NPIPB15: variants seen among roughly 807,000 people sequenced by gnomAD.
The protein encoded by NPIPB15 is nuclear pore complex interacting protein family member B15.
In NPIPB15, 5 loss-of-function variants were observed where a neutral mutation model predicts 35.9. That is an observed-to-expected ratio of 0.14 (90% CI 0.07 to 0.29). NPIPB15 has a LOEUF of 0.29. NPIPB15 is among the 10% of genes least tolerant of loss of function. The pLI, the probability that NPIPB15 is intolerant of heterozygous loss-of-function variation, is 1.00. For missense variants in NPIPB15, 100 were observed against 506.1 expected, an observed-to-expected ratio of 0.20 and a Z score of 7.70; for synonymous variants, 43 against 182.0, an observed-to-expected ratio of 0.24 and a Z score of 6.15.
chr16:74,388,367 T>A lies in NPIPB15; in HGVS notation c.546-1458T>A, dbSNP rs1243442904. On this transcript the variant is annotated intron_variant, in intron 5 of 7. Transcript: ENST00000692376. Reference sequence around the variant, plus strand: ...GGTTTTTCACACTGAACTAAAATGATCTTTCGCTGTGTCAAACACAAGACT... The same window carrying A: ...GGTTTTTCACACTGAACTAAAATGAACTTTCGCTGTGTCAAACACAAGACT... The A allele has an allele frequency of 1.2e-5, 11 of 906,710 alleles. 1 individual carries two copies. The highest frequency in any genetic ancestry group is 2.0e-5 in the African/African-American group (1 of 50,546). The allele number at this position is 906,710 out of a possible 1,614,324, so 56.2% of individuals were successfully genotyped here.
chr16:74,378,774 C>A (rs1444325029), intron 2 of NPIPB15, among the ~76,000 whole-genome samples: 2 of 151,072 alleles, frequency 1.3e-5, no homozygotes, highest in Non-Finnish European at 3.0e-5. Context: ...CATAAACCGA[C>A]CCCCTTTCAA....
At position 74,391,928 on chromosome 16, in the gene NPIPB15, G is replaced by T. The variant is rs780007640; in HGVS notation, c.1180G>T (p.Ala394Ser). The T allele has an allele frequency of 6.8e-7, 1 of 1,476,992 alleles. No individual in the cohort carries two copies. The highest frequency in any genetic ancestry group is 1.2e-5 in the South Asian group (1 of 82,108). The allele number at this position is 1,476,992 out of a possible 1,614,324, so 91.5% of individuals were successfully genotyped here. ...GCCCAAGAGGCAGAGGGAGGCCGAG[G>T]CACAACAATTACCCAAACCCAAGAG... is the stretch of plus-strand genomic sequence containing the variant. ...PKPKRQREAE[A>S]QQLPKPKRRR... Residue 394 changes from alanine (A) to serine (S), a missense_variant, in exon 8 of 8, where the codon GCA becomes TCA. Physicochemically the swap from Ala to Ser is moderately conservative, Grantham distance 99. Transcript: ENST00000692376.
Position 74,388,916 on chromosome 16 carries a change from C to A in NPIPB15, c.546-909C>A. 5 of 924,848 alleles carry A rather than the reference C, an allele frequency of 5.4e-6. 1 individual carries two copies. Among genetic ancestry groups the A allele is most frequent in the South Asian group, 1.0e-4 (2 of 19,834 alleles). 57.3% of individuals were successfully genotyped at this position (924,848 alleles called of 1,614,324 possible). A position where few individuals can be genotyped will look rare whatever the true frequency, so the allele number is the denominator to read the frequency against. On this transcript the variant is annotated intron_variant, in intron 5 of 7. Transcript: ENST00000692376. ...GACCCAGTAAATGCAGAAATAGAAACAAATGGTCAGAAGACCTATCGTGAG... is the reference window on the plus strand; with the variant it reads ...GACCCAGTAAATGCAGAAATAGAAAAAAATGGTCAGAAGACCTATCGTGAG...
chr16:74,386,307 A>AC (rs2012278513), intron 5 of NPIPB15, among the ~76,000 whole-genome samples: 1 of 126,174 alleles, frequency 7.9e-6, no homozygotes, highest in Non-Finnish European at 1.6e-5. Flanking sequence ...TTTTTTTTAA[A>AC]TTTTGAGATA....
chr16:74,376,329 ACT>A lies in NPIPB15; in HGVS notation c.-1037_-1036del, dbSNP rs1353921134. Among the ~76,000 whole-genome samples the A allele has an allele frequency of 6.6e-6, 1 of 151,504 alleles. No homozygotes were observed. The highest frequency in any genetic ancestry group is 1.5e-5 in the Non-Finnish European group (1 of 67,964). The stretch of plus-strand genomic sequence containing the variant: ...CAGAGGCCTGAGTGAGTTTGGGCAC[ACT>A]CTGTGTGATCGGGCAGAAGGCCTGT... On this transcript the variant is annotated 5_prime_UTR_variant, in exon 1 of 8. Transcript: ENST00000692376.
In NPIPB15 at chr16:74,388,885, T is replaced by C. The variant is rs1451822421; in HGVS notation, c.546-940T>C. 1.7e-5 allele frequency: 16 copies of C among 954,250 alleles called. 1 individual carries two copies. The highest frequency in any genetic ancestry group is 2.0e-5 in the Non-Finnish European group (16 of 806,174). The allele number at this position is 954,250 out of a possible 1,614,324, so 59.1% of individuals were successfully genotyped here. ...AGTGTTGTTTATAACCTCTGTACAA[T>C]GTTTAGACCCAGTAAATGCAGAAAT... On this transcript the variant is annotated intron_variant, in intron 5 of 7. Transcript: ENST00000692376.
intron 3 of NPIPB15, 28 bp downstream of exon 3, chr16:74,381,726 A>G (rs1461099325): frequency 3.8e-6 from 6 of 1,570,812 alleles, no homozygotes. Context: ...CTGTAGAGGT[A>G]TACTTGTAAT....
chr16:74,379,883 C>CG (rs1448661314), intron 2 of NPIPB15, among the ~76,000 whole-genome samples: 1 of 152,002 alleles, frequency 6.6e-6, no homozygotes, highest in Admixed American at 6.6e-5. Flanking sequence ...CCACCACACC[C>CG]GGCCCACCTT....
At chr16:74,387,353 A>C (rs561961931) in intron 5 of NPIPB15, among the ~76,000 whole-genome samples, 1 of 148,814 alleles carries the variant, frequency 6.7e-6, no homozygotes, top group African/African-American at 2.5e-5. Context: ...AAACTCAGGG[A>C]AATGGATTCC....
chr16:74,388,411 A>G, intron 5 of NPIPB15: 6 of 950,276 alleles, frequency 6.3e-6, no homozygotes, highest in Non-Finnish European at 6.2e-6. Context: ...ACACACACAT[A>G]GTGCACCTCA....
At position 74,376,987 on chromosome 16, in the gene NPIPB15, G is replaced by A. The variant is rs1484435373; in HGVS notation, c.-382G>A. On this transcript the variant is annotated 5_prime_UTR_variant, in exon 1 of 8. It introduces an in-frame stop codon into an upstream open reading frame of the 5' UTR. Coordinates refer to ENST00000692376, the MANE Select transcript of NPIPB15 (RefSeq NM_001306094.2). ...CTCTCAAATATATTGAGATTTGCTG[G>A]AACAAAATAAGTCAGGTTAATTTTT... Among the ~76,000 whole-genome samples, 2 of 144,756 alleles carry A rather than the reference G, an allele frequency of 1.4e-5. No individual in the cohort carries two copies. Among genetic ancestry groups the A allele is most frequent in the Non-Finnish European group, 3.0e-5 (2 of 66,538 alleles). The allele number at this position is 144,756 out of a possible 152,430, so 95.0% of individuals were successfully genotyped here. A position where few individuals can be genotyped will look rare whatever the true frequency, so the allele number is the denominator to read the frequency against.
At chr16:74,378,502 C>G (rs2011801017) in intron 2 of NPIPB15, among the ~76,000 whole-genome samples, 1 of 142,696 alleles carries the variant, frequency 7.0e-6, no homozygotes, top group Non-Finnish European at 1.5e-5. Flanking sequence ...TCTCGGCTCA[C>G]TGCAACCTCC....
intron 1 of NPIPB15, 105 bp from the exon 2 acceptor site, chr16:74,377,847 C>T (rs2011752543): frequency 1.5e-5 from 1 of 68,958 alleles, no homozygotes; most frequent in African/African-American, 6.1e-5. Context: ...CTCCCCCTCC[C>T]CTCCCCCTCC....
chr16:74,380,847 C>CA (rs1451521348), intron 2 of NPIPB15, among the ~76,000 whole-genome samples: 3 of 150,236 alleles, frequency 2.0e-5, no homozygotes, highest in African/African-American at 2.4e-5. Flanking sequence ...CAAACAAAAA[C>CA]AAAAACAAAA....
At chr16:74,378,170 G>A (rs1281357550) in intron 2 of NPIPB15, 131 bp downstream of exon 2, 1 of 1,290,038 alleles carries the variant, frequency 7.8e-7, no homozygotes, top group African/African-American at 1.4e-5. Context: ...CTTGAGTCCA[G>A]GAGTTGAAGA....
At chr16:74,384,991 T>TTGTGTG (rs199888896) in intron 3 of NPIPB15, among the ~76,000 whole-genome samples, 2,778 of 93,152 alleles carry the variant, frequency 0.03, 23 homozygotes, top group Non-Finnish European at 0.039. Context: ...CATGTCATTC[T>TTGTGTG]TGTGTGTGTG....
At chr16:74,378,458 ACT>A (rs1269602986) in intron 2 of NPIPB15, among the ~76,000 whole-genome samples, 2 of 110,156 alleles carry the variant, frequency 1.8e-5, no homozygotes, top group African/African-American at 3.8e-5. Context: ...ACAGAGTCTC[ACT>A]CTGTCGCCCA....
chr16:74,379,954 ATTT>A (rs1172863582), intron 2 of NPIPB15, among the ~76,000 whole-genome samples: 126 of 139,136 alleles, frequency 9.1e-4, no homozygotes, highest in African/African-American at 2.1e-3. Context: ...TCTTCATTGT[ATTT>A]TTTTTTTTTT....
chr16:74,383,987 AT>A (rs2012126023), intron 3 of NPIPB15, among the ~76,000 whole-genome samples: 1 of 145,814 alleles, frequency 6.9e-6, no homozygotes, highest in African/African-American at 2.5e-5. Context: ...TGGGATTTGC[AT>A]TGCATTTTCG....
Sources: gnomAD v4.1 joint callset for allele counts (sites outside exome capture counted in the v4.1 genomes callset) on GRCh38, gnomAD v4.1.1 for gene constraint, MANE v1.5 for transcripts, NCBI Gene and HGNC (gene_info 2026-07-23, HGNC 2026-07-21) for gene names.